The following COL26A1 variants were observed in gnomAD, a reference collection of about 807,000 sequenced individuals.
COL26A1 encodes the protein collagen type XXVI alpha 1 chain, also known as collagen alpha-1(XXVI) chain.
COL26A1 carries 41 observed loss-of-function variants against 59.3 expected under a neutral mutation model. That is an observed-to-expected ratio of 0.69 (90% CI 0.54 to 0.90). The LOEUF is 0.90. Ranked by LOEUF, COL26A1 falls within the 40% of genes least tolerant of loss-of-function variation. The pLI is 0.00. For synonymous variants in COL26A1, 266 were observed against 256.0 expected (o/e 1.04, Z -0.37); for missense variants, 612 against 602.3 (o/e 1.02, Z -0.17).
intron 6 of COL26A1, among the ~76,000 whole-genome samples, 195 bp downstream of exon 6, chr7:101,544,291 C>G (rs1227358290): frequency 6.6e-6 from 1 of 151,994 alleles, no homozygotes; most frequent in Non-Finnish European, 1.5e-5. Context: ...GCAGTGATGC[C>G]ATCTCGGCTC....
At chr7:101,370,108 G>A (rs543616150) in intron 1 of COL26A1, among the ~76,000 whole-genome samples, 13 of 152,042 alleles carry the variant, frequency 8.6e-5, no homozygotes, top group African/African-American at 2.9e-4. Context: ...TGATCCACCC[G>A]CCTCAGCCTC....
At chr7:101,383,566 G>A (rs539056303) in intron 1 of COL26A1, among the ~76,000 whole-genome samples, 6 of 149,572 alleles carry the variant, frequency 4.0e-5, no homozygotes, top group East Asian at 2.0e-4. Context: ...ACAGAGTCTC[G>A]CTCTGTTGCC....
At chr7:101,419,450 G>A (rs533493356) in intron 1 of COL26A1, among the ~76,000 whole-genome samples, 30 of 152,150 alleles carry the variant, frequency 2.0e-4, no homozygotes, top group Admixed American at 1.3e-4. Context: ...TAGACTTGCC[G>A]TGGTCTCTCT....
At chr7:101,551,245 C>G in intron 10 of COL26A1, 102 bp downstream of exon 10, 1 of 1,077,910 alleles carries the variant, frequency 9.3e-7, no homozygotes. Flanking sequence ...GGGTTCAGCC[C>G]TGGGTGGCCC....
At chr7:101,374,805 C>T (rs1791273640) in intron 1 of COL26A1, among the ~76,000 whole-genome samples, 1 of 152,078 alleles carries the variant, frequency 6.6e-6, no homozygotes, top group Admixed American at 6.6e-5. Flanking sequence ...CCTGTAATCC[C>T]AACACTTTGG....
chr7:101,513,336 A>T (rs1794965625), intron 3 of COL26A1, among the ~76,000 whole-genome samples: 1 of 148,664 alleles, frequency 6.7e-6, no homozygotes, highest in African/African-American at 2.5e-5. Context: ...TTTTATTTTT[A>T]TTTATTTATT....
rs1034289824 is a variant in COL26A1, at chr7:101,427,441, C to T, written c.281+7342C>T. Among the ~76,000 whole-genome samples, 9 of 151,730 alleles carry T rather than the reference C, an allele frequency of 5.9e-5. No homozygotes were observed. The East Asian group carries it at 9.9e-4, about 17-fold the overall frequency. Reference sequence around the variant, plus strand: ...CTTTGGGAGGCCCAAGTGGGCAGATCATTTGAGGTCAGGAGTTCGAGACCA... The same window carrying T: ...CTTTGGGAGGCCCAAGTGGGCAGATTATTTGAGGTCAGGAGTTCGAGACCA... On this transcript the variant is annotated intron_variant, in intron 2 of 12. Transcript: ENST00000313669.
intron 2 of COL26A1, among the ~76,000 whole-genome samples, chr7:101,446,364 A>G (rs925847464): frequency 3.9e-5 from 6 of 152,116 alleles, no homozygotes; most frequent in Admixed American, 3.9e-4. Flanking sequence ...TAGAGAACAT[A>G]TGGTATTTGT....
intron 3 of COL26A1, among the ~76,000 whole-genome samples, chr7:101,483,390 G>T (rs755652997): frequency 7.9e-5 from 12 of 152,056 alleles, no homozygotes; most frequent in Non-Finnish European, 1.5e-4. Context: ...TAGAGACGGG[G>T]TTTCACCATC....
rs181522967 is a variant in COL26A1, at chr7:101,459,317, T to C, written c.385+11530T>C. Among the ~76,000 whole-genome samples the C allele has an allele frequency of 1.3e-5, 2 of 152,202 alleles. 1 individual carries two copies. The highest frequency in any genetic ancestry group is 1.3e-4 in the Admixed American group (2 of 15,270). On this transcript the variant is annotated intron_variant, in intron 3 of 12. Coordinates refer to ENST00000313669, the MANE Select transcript of COL26A1 (RefSeq NM_001278563.3). ...GTTTGTTTGTTTGTTGTTTGTTTTT[T>C]GAGACGGAGTCTCGCTCTGTCACCA... is the stretch of plus-strand genomic sequence containing the variant.
At chr7:101,363,709 C>T (rs1790968225) in intron 1 of COL26A1, among the ~76,000 whole-genome samples, 1 of 151,924 alleles carries the variant, frequency 6.6e-6, no homozygotes, top group Admixed American at 6.6e-5. Flanking sequence ...TTCCTTTCTT[C>T]GCTTCCCCAA....
intron 3 of COL26A1, among the ~76,000 whole-genome samples, chr7:101,481,530 C>T (rs1794157408): frequency 6.6e-6 from 1 of 151,352 alleles, no homozygotes; most frequent in Non-Finnish European, 1.5e-5. Flanking sequence ...AGCTCACTGC[C>T]ATCTCAAACT....
chr7:101,493,496 C>T lies in COL26A1; in HGVS notation c.386-39586C>T, dbSNP rs562645795. Among the ~76,000 whole-genome samples the T allele has an allele frequency of 9.2e-4, 140 of 152,238 alleles. 1 individual carries two copies. Among genetic ancestry groups the T allele is most frequent in the African/African-American group, 3.2e-3 (133 of 41,546 alleles). On this transcript the variant is annotated intron_variant, in intron 3 of 12. Transcript: ENST00000313669. The stretch of plus-strand genomic sequence containing the variant: ...AGCTGTCACCTTGGCCAGGGCTCTT[C>T]GCTTGTGGACCTCTTTGGCCGTCTG...
At position 101,431,068 on chromosome 7, in the gene COL26A1, C is replaced by G. The variant is rs935570553; in HGVS notation, c.281+10969C>G. ...CCACCTGCCTCAGCCTCCCAAAGTGCTGGGATCATAGGCATGAGTCACTGC... is the reference window on the plus strand; with the variant it reads ...CCACCTGCCTCAGCCTCCCAAAGTGGTGGGATCATAGGCATGAGTCACTGC... On this transcript the variant is annotated intron_variant, in intron 2 of 12. Transcript: ENST00000313669. Among the ~76,000 whole-genome samples, 13 of 152,026 alleles carry G rather than the reference C, an allele frequency of 8.6e-5. 1 individual carries two copies. Among genetic ancestry groups the G allele is most frequent in the Admixed American group, 7.2e-4 (11 of 15,254 alleles).
chr7:101,541,614 G>C (rs948137824), intron 5 of COL26A1, among the ~76,000 whole-genome samples: 2 of 151,814 alleles, frequency 1.3e-5, no homozygotes, highest in East Asian at 3.9e-4. Context: ...GCTTCCCAAA[G>C]TGCTGGGATT....
chr7:101,518,721 C>T (rs1795081835), intron 3 of COL26A1, among the ~76,000 whole-genome samples: 1 of 152,226 alleles, frequency 6.6e-6, no homozygotes, highest in Non-Finnish European at 1.5e-5. Context: ...GCAAGATAAA[C>T]ATGTACAGTG....
intron 1 of COL26A1, among the ~76,000 whole-genome samples, chr7:101,366,274 A>G (rs1222504737): frequency 6.6e-6 from 1 of 152,064 alleles, no homozygotes; most frequent in Non-Finnish European, 1.5e-5. Context: ...CTCATGAGCT[A>G]TCTATCACAA....
At chr7:101,401,785 A>T (rs1249653876) in intron 1 of COL26A1, among the ~76,000 whole-genome samples, 1 of 151,786 alleles carries the variant, frequency 6.6e-6, no homozygotes, top group Non-Finnish European at 1.5e-5. Context: ...GAGGAGGAGG[A>T]GGAAGACCCT....
chr7:101,473,608 CCACA>C (rs150820078), intron 3 of COL26A1, among the ~76,000 whole-genome samples: 5,023 of 143,370 alleles, frequency 0.035, 82 homozygotes, highest in South Asian at 0.053. Context: ...CACCTTGTCT[CCACA>C]CACACACACA....
Sources: allele counts gnomAD v4.1 joint callset (sites outside exome capture counted in the v4.1 genomes callset), GRCh38; gene constraint gnomAD v4.1.1; transcripts MANE v1.5; gene names NCBI Gene and HGNC (gene_info 2026-07-23, HGNC 2026-07-21).